The following JAZF1 variants were observed in gnomAD, a reference collection of about 807,000 sequenced individuals.
The protein encoded by JAZF1 is JAZF zinc finger 1.
In JAZF1, 8 loss-of-function variants were observed where a neutral mutation model predicts 26.4. The observed-to-expected ratio is 0.30, with a 90% confidence interval of 0.18 to 0.55. The LOEUF is 0.55. Among genes scored for constraint, JAZF1 ranks in the 20% least tolerant of loss-of-function variants. The probability of loss-of-function intolerance (pLI) is 0.94; values close to 1 mark genes in which losing one functional copy is unlikely to be tolerated. For synonymous variants in JAZF1, 126 were observed against 122.3 expected, an observed-to-expected ratio of 1.03 and a Z score of -0.20; for missense variants, 199 against 322.0, an observed-to-expected ratio of 0.62 and a Z score of 2.92.
At chr7:27,956,901 A>G (rs977297523) in intron 2 of JAZF1, among the ~76,000 whole-genome samples, 8 of 152,168 alleles carry the variant, frequency 5.3e-5, no homozygotes, top group African/African-American at 1.9e-4. Context: ...CTGCCAAAGC[A>G]AGAGTCTATT....
At chr7:27,855,482 G>C (rs958667411) in intron 3 of JAZF1, among the ~76,000 whole-genome samples, 12 of 151,782 alleles carry the variant, frequency 7.9e-5, no homozygotes, top group Non-Finnish European at 1.2e-4. Flanking sequence ...AAACTAATAA[G>C]AAAAGAGAGA....
intron 1 of JAZF1, among the ~76,000 whole-genome samples, chr7:28,156,810 A>T (rs1043033912): frequency 1.3e-5 from 2 of 152,178 alleles, no homozygotes; most frequent in African/African-American, 4.8e-5. Context: ...AAGAAATTTA[A>T]ATTCAGATCC....
intron 1 of JAZF1, among the ~76,000 whole-genome samples, chr7:28,145,112 A>G (rs934842513): frequency 1.3e-5 from 2 of 152,218 alleles, no homozygotes; most frequent in African/African-American, 4.8e-5. Context: ...AAACCAAGAG[A>G]TCAAAGCATG....
chr7:27,884,507 C>T (rs1024256509), intron 3 of JAZF1, among the ~76,000 whole-genome samples: 8 of 151,636 alleles, frequency 5.3e-5, no homozygotes, highest in Non-Finnish European at 8.8e-5. Context: ...ATATCCATCA[C>T]TCAAGAAAGT....
At chr7:28,054,988 G>C (rs1783679803) in intron 1 of JAZF1, among the ~76,000 whole-genome samples, 1 of 152,080 alleles carries the variant, frequency 6.6e-6, no homozygotes, top group African/African-American at 2.4e-5. Flanking sequence ...TCTCGATCTG[G>C]ATGGTGTTTA....
At chr7:27,983,713 A>C (rs1785635665) in intron 2 of JAZF1, among the ~76,000 whole-genome samples, 1 of 152,236 alleles carries the variant, frequency 6.6e-6, no homozygotes, top group Admixed American at 6.5e-5. Context: ...AGGTCGGGTT[A>C]CCCACAACGG....
chr7:27,839,016 A>C (rs1344757955), intron 4 of JAZF1, among the ~76,000 whole-genome samples: 1 of 152,198 alleles, frequency 6.6e-6, no homozygotes, highest in Non-Finnish European at 1.5e-5. Context: ...GAAGGGGGAA[A>C]CTGCCAGAAA....
chr7:28,147,073 G>A (rs1207015187), intron 1 of JAZF1, among the ~76,000 whole-genome samples: 2 of 151,928 alleles, frequency 1.3e-5, no homozygotes, highest in Non-Finnish European at 2.9e-5. Flanking sequence ...TGTCAGGCTG[G>A]TTCAAACTCC....
chr7:28,035,931 T>C (rs894993542), intron 1 of JAZF1, among the ~76,000 whole-genome samples: 17 of 152,218 alleles, frequency 1.1e-4, no homozygotes, highest in African/African-American at 2.9e-4. Context: ...TGTCAAATAA[T>C]ATCTTTAAGT....
chr7:27,849,817 T>A (rs548703743), intron 3 of JAZF1, among the ~76,000 whole-genome samples: 341 of 128,734 alleles, frequency 2.6e-3, no homozygotes, highest in African/African-American at 0.01. Context: ...GGAGCCCACA[T>A]CGCCATCCAG....
intron 3 of JAZF1, among the ~76,000 whole-genome samples, chr7:27,883,440 T>C (rs1250337492): frequency 6.6e-6 from 1 of 152,252 alleles, no homozygotes; most frequent in Non-Finnish European, 1.5e-5. Flanking sequence ...GGTTTTTAAC[T>C]AAATGTAAAT....
At chr7:28,089,695 G>T (rs1784263958) in intron 1 of JAZF1, among the ~76,000 whole-genome samples, 1 of 152,104 alleles carries the variant, frequency 6.6e-6, no homozygotes. Context: ...GTAGAAATAG[G>T]GATGGTCCAA....
In JAZF1 at chr7:27,857,041, G is replaced by T. The variant is rs183897005; in HGVS notation, c.386-16174C>A. On this transcript the variant is annotated intron_variant, in intron 3 of 4. Coordinates refer to ENST00000283928, the MANE Select transcript of JAZF1 (RefSeq NM_175061.4). ...GCAGGTGGAGCTGCCTGCCAGTCCCGCGCCGTGTGCCTGCACTCCTCAGCC... is the reference window on the plus strand; with the variant it reads ...GCAGGTGGAGCTGCCTGCCAGTCCCTCGCCGTGTGCCTGCACTCCTCAGCC... 3.4e-3 allele frequency among the ~76,000 whole-genome samples: 515 copies of T among 152,354 alleles called. 3 individuals are homozygous for T. Among genetic ancestry groups the T allele is most frequent in the African/African-American group, 0.012 (489 of 41,586 alleles).
chr7:27,833,455 T>A (rs367748013), intron 4 of JAZF1, among the ~76,000 whole-genome samples: 1 of 152,226 alleles, frequency 6.6e-6, no homozygotes. Context: ...TGCTTCTAGA[T>A]AACTGTGTTA....
At position 27,840,497 on chromosome 7, in the gene JAZF1, G is replaced by A. The variant is rs35269586; in HGVS notation, c.555+201C>T. On this transcript the variant is annotated intron_variant, in intron 4 of 4. Transcript: ENST00000283928. This position sits in a 1 kb window ranked among gnomAD's most constrained non-coding sequence, Gnocchi z 5.1. ...GTAGGTGAGCAGAGGGGAAAGCCCC[G>A]GCAGCAGCGGTGGCGGGTGAGCACT... is the stretch of plus-strand genomic sequence containing the variant. Among the ~76,000 whole-genome samples, 1 of 152,106 alleles carries A rather than the reference G, an allele frequency of 6.6e-6. No individual in the cohort carries two copies. Among genetic ancestry groups the A allele is most frequent in the Non-Finnish European group, 1.5e-5 (1 of 68,048 alleles).
Position 28,166,146 on chromosome 7 carries a change from C to T in JAZF1, c.115+14317G>A, listed in dbSNP as rs113172995. Among the ~76,000 whole-genome samples the T allele has an allele frequency of 8.5e-3, 1,294 of 152,250 alleles. 9 individuals carry two copies. The highest frequency in any genetic ancestry group is 0.018 in the African/African-American group (739 of 41,540). ...TATATATAAAAAAAGTTGGAAACCA[C>T]TTTCTTACTCAACTACTGCTGAGTC... On this transcript the variant is annotated intron_variant, in intron 1 of 4. Coordinates refer to ENST00000283928, the MANE Select transcript of JAZF1 (RefSeq NM_175061.4).
chr7:27,917,337 C>T (rs796670146), intron 2 of JAZF1, among the ~76,000 whole-genome samples: 4 of 151,838 alleles, frequency 2.6e-5, no homozygotes, highest in Middle Eastern at 3.4e-3. Flanking sequence ...TCAACTCTGG[C>T]GTATTTCTCC....
intron 2 of JAZF1, among the ~76,000 whole-genome samples, chr7:27,899,797 A>C (rs1358889988): frequency 2.0e-5 from 3 of 152,140 alleles, no homozygotes; most frequent in African/African-American, 4.8e-5. Flanking sequence ...CATTTGTTAC[A>C]GTAACTGTGA....
chr7:27,983,337 G>T (rs560033538), intron 2 of JAZF1, among the ~76,000 whole-genome samples: 1 of 152,322 alleles, frequency 6.6e-6, no homozygotes, highest in African/African-American at 2.4e-5. Flanking sequence ...TCAACTGGAA[G>T]AAAGGGTATC....
Sources: allele counts gnomAD v4.1 joint callset (sites outside exome capture counted in the v4.1 genomes callset), GRCh38; gene constraint gnomAD v4.1.1; non-coding constraint Gnocchi (gnomAD v3.1); transcripts MANE v1.5; gene names NCBI Gene and HGNC (gene_info 2026-07-23, HGNC 2026-07-21).